The following SYNJ1 variants were observed in gnomAD, a reference collection of about 807,000 sequenced individuals.
The protein encoded by SYNJ1 is polyphosphatidylinositol phosphatase SYNJ1.
Under a neutral mutation model 168.2 loss-of-function variants are expected in SYNJ1, and 78 were observed. That is an observed-to-expected ratio of 0.46 (90% confidence interval 0.39 to 0.56). The LOEUF is 0.56. Among genes scored for constraint, SYNJ1 ranks in the 20% least tolerant of loss-of-function variants. The probability of loss-of-function intolerance (pLI) is 0.00; values close to 1 mark genes in which losing one functional copy is unlikely to be tolerated. For synonymous variants in SYNJ1, 539 were observed against 548.6 expected, an observed-to-expected ratio of 0.98 and a Z score of 0.24; for missense variants, 1,303 against 1,597.6, an observed-to-expected ratio of 0.82 and a Z score of 3.14.
intron 14 of SYNJ1, chr21:32,670,745 C>A (rs1165001675): frequency 1.1e-6 from 1 of 951,268 alleles, no homozygotes; most frequent in Non-Finnish European, 1.3e-6. Context: ...AATAAAGTGA[C>A]TGAGAAACTA....
intron 4 of SYNJ1, among the ~76,000 whole-genome samples, chr21:32,696,774 G>C (rs1445296458): frequency 6.6e-6 from 1 of 152,122 alleles, no homozygotes; most frequent in Non-Finnish European, 1.5e-5. Context: ...AAAAAGGGTG[G>C]TCAGCAGTTC....
At chr21:32,651,438 G>A (rs1285170873) in intron 22 of SYNJ1, among the ~76,000 whole-genome samples, 1 of 152,146 alleles carries the variant, frequency 6.6e-6, no homozygotes, top group East Asian at 1.9e-4. Context: ...TAGTAATTTA[G>A]CATCCACACT....
intron 15 of SYNJ1, 45 bp from the exon 16 acceptor site, chr21:32,666,618 C>A: frequency 6.4e-7 from 1 of 1,571,764 alleles, no homozygotes; most frequent in Non-Finnish European, 8.6e-7. Context: ...AAGGTATTGA[C>A]AATAGCCTAT....
At chr21:32,691,107 A>AC (rs544460970) in intron 6 of SYNJ1, among the ~76,000 whole-genome samples, 1 of 152,052 alleles carries the variant, frequency 6.6e-6, no homozygotes, top group African/African-American at 2.4e-5. Context: ...GGATCTGTGT[A>AC]CCCCCTAAAT....
intron 2 of SYNJ1, among the ~76,000 whole-genome samples, chr21:32,714,248 G>C (rs1006956451): frequency 1.3e-5 from 2 of 152,162 alleles, no homozygotes; most frequent in African/African-American, 4.8e-5. Context: ...AGTGGTAACA[G>C]GTTGAAGAGG....
chr21:32,634,452 T>G (rs547118769), intron 32 of SYNJ1, among the ~76,000 whole-genome samples: 2 of 152,132 alleles, frequency 1.3e-5, no homozygotes, highest in African/African-American at 4.8e-5. Context: ...CTAAAACCAT[T>G]TGAAAAAATA....
Position 32,678,641 on chromosome 21 carries a change from A to G in SYNJ1, c.1510+4T>C. 6.2e-7 allele frequency: 1 copy of G among 1,600,350 alleles called. No homozygotes were observed. The highest frequency in any genetic ancestry group is 1.7e-4 in the Middle Eastern group (1 of 6,010). On this transcript the variant is annotated splice_donor_region_variant and intron_variant, in intron 12 of 32. Coordinates refer to ENST00000674351, the MANE Select transcript of SYNJ1 (RefSeq NM_203446.3). Reference sequence around the variant, plus strand: ...ATAACAAATAAAATATAAAGTGCACATACCACGCAAACTTCCAGTAGTTAA... The same window carrying G: ...ATAACAAATAAAATATAAAGTGCACGTACCACGCAAACTTCCAGTAGTTAA...
intron 1 of SYNJ1, 160 bp downstream of exon 1, chr21:32,727,786 C>A (rs2043538789): frequency 7.2e-7 from 1 of 1,386,958 alleles, no homozygotes; most frequent in Non-Finnish European, 9.5e-7. Context: ...GTGGTCTGCT[C>A]ACAACCCCGC....
intron 2 of SYNJ1, among the ~76,000 whole-genome samples, chr21:32,722,237 A>T (rs1229270380): frequency 6.9e-6 from 1 of 144,972 alleles, no homozygotes; most frequent in Non-Finnish European, 1.5e-5. Context: ...TATATAATGT[A>T]TGCATGTATG....
chr21:32,685,471 C>A (rs1456240728), intron 9 of SYNJ1, among the ~76,000 whole-genome samples: 1 of 148,344 alleles, frequency 6.7e-6, no homozygotes, highest in African/African-American at 2.5e-5. Context: ...TGGTGGCACA[C>A]ACCTGTAGTC....
chr21:32,648,496 C>G (rs985247719), intron 23 of SYNJ1, among the ~76,000 whole-genome samples: 1 of 152,186 alleles, frequency 6.6e-6, no homozygotes, highest in Non-Finnish European at 1.5e-5. Flanking sequence ...CTGACTACTC[C>G]CCTTCCATGC....
At chr21:32,662,209 T>A (rs1213329500) in intron 18 of SYNJ1, among the ~76,000 whole-genome samples, 1 of 152,194 alleles carries the variant, frequency 6.6e-6, no homozygotes, top group Non-Finnish European at 1.5e-5. Context: ...GGAAGCTGAC[T>A]GGTCTACGCA....
chr21:32,718,065 G>A (rs2043087592), intron 2 of SYNJ1, among the ~76,000 whole-genome samples: 1 of 152,178 alleles, frequency 6.6e-6, no homozygotes, highest in Admixed American at 6.5e-5. Context: ...TGTTACTTAA[G>A]GTAGGAGGGT....
intron 26 of SYNJ1, among the ~76,000 whole-genome samples, chr21:32,644,621 C>CT (rs2039986075): frequency 6.6e-6 from 1 of 152,162 alleles, no homozygotes; most frequent in African/African-American, 2.4e-5. Flanking sequence ...TCATACAGTT[C>CT]TTTGCTAATC....
At chr21:32,706,931 T>C (rs2042632023) in intron 2 of SYNJ1, among the ~76,000 whole-genome samples, 1 of 152,202 alleles carries the variant, frequency 6.6e-6, no homozygotes, top group South Asian at 2.1e-4. Flanking sequence ...TGTATAATCT[T>C]TAGATAAAAT....
intron 11 of SYNJ1, among the ~76,000 whole-genome samples, chr21:32,680,035 A>G (rs1467459458): frequency 6.6e-6 from 1 of 152,174 alleles, no homozygotes; most frequent in Admixed American, 6.5e-5. Context: ...AGTATATAAA[A>G]GAATATTTTA....
intron 32 of SYNJ1, among the ~76,000 whole-genome samples, chr21:32,634,643 A>C (rs978125426): frequency 1.3e-5 from 2 of 152,212 alleles, no homozygotes; most frequent in African/African-American, 4.8e-5. Flanking sequence ...AAAATGAAGC[A>C]AAAAGTGGTA....
rs752120549 is a variant in SYNJ1, at chr21:32,687,070, A to G, written c.856T>C (p.Phe286Leu). The change falls in exon 8 of 33, where the codon TTT becomes CTT. Residue 286 changes from phenylalanine (F) to leucine (L), a missense_variant. By Grantham distance (22) the Phe-to-Leu change is conservative. Transcript: ENST00000674351. ...EANAPAFDRH[F>L]RTLKNLYGKQ... ...CCATATAAGTTCTTAAGTGTTCTAA[A>G]ATGCCTATTTAAGAAAGAAAGGAAA... 1.8e-5 allele frequency: 27 copies of G among 1,473,188 alleles called. No individual in the cohort carries two copies. The African/African-American group carries it at 4.0e-4, about 22-fold the overall frequency. The allele number at this position is 1,473,188 out of a possible 1,614,324, so 91.3% of individuals were successfully genotyped here.
At chr21:32,644,530 T>C (rs527639124) in intron 26 of SYNJ1, among the ~76,000 whole-genome samples, 102 of 152,360 alleles carry the variant, frequency 6.7e-4, no homozygotes, top group African/African-American at 2.4e-3. Flanking sequence ...TGAGTTTTCA[T>C]GTAAACCAAA....
Sources: allele counts gnomAD v4.1 joint callset (sites outside exome capture counted in the v4.1 genomes callset), GRCh38; gene constraint gnomAD v4.1.1; transcripts MANE v1.5; gene names NCBI Gene and HGNC (gene_info 2026-07-23, HGNC 2026-07-21).